The following RNF212 variants were observed in gnomAD, a reference collection of about 807,000 sequenced individuals.
The protein encoded by RNF212 is ring finger protein 212, also known as probable E3 SUMO-protein ligase RNF212.
In RNF212, 33 loss-of-function variants were observed where a neutral mutation model predicts 34.7. That is an observed-to-expected ratio of 0.95 (90% CI 0.72 to 1.27). The LOEUF (loss-of-function observed/expected upper bound fraction) is 1.27. Ranked by LOEUF, RNF212 falls within the 50% of genes most tolerant of loss-of-function variation. The pLI is 0.00. For missense variants in RNF212, 377 were observed against 362.2 expected (o/e 1.04, Z -0.33); for synonymous variants, 140 against 136.1 (o/e 1.03, Z -0.20).
intron 3 of RNF212, among the ~76,000 whole-genome samples, chr4:1,094,421 G>A (rs1341168786): frequency 6.6e-6 from 1 of 152,206 alleles, no homozygotes; most frequent in African/African-American, 2.4e-5. Flanking sequence ...GGGGAGGCTT[G>A]GAGTGGAGGC....
chr4:1,096,928 T>A, intron 2 of RNF212, 89 bp from the exon 3 acceptor site: 1 of 967,896 alleles, frequency 1.0e-6, no homozygotes, highest in Non-Finnish European at 1.7e-6. Context: ...GACCTAGAAT[T>A]AGCTATAGAT....
chr4:1,107,374 A>G (rs1724996205), intron 2 of RNF212: 1 of 151,706 alleles, frequency 6.6e-6, no homozygotes, highest in Non-Finnish European at 1.5e-5. Context: ...TTTTATGAAA[A>G]GGTAAATCAC....
intron 4 of RNF212, among the ~76,000 whole-genome samples, chr4:1,057,983 C>G (rs1359106986): frequency 2.0e-5 from 3 of 151,966 alleles, no homozygotes; most frequent in African/African-American, 7.3e-5. Flanking sequence ...ATCACTTGAA[C>G]CCAGGAGGCG....
At chr4:1,077,095 G>C (rs929155962) in intron 8 of RNF212, among the ~76,000 whole-genome samples, 2 of 152,236 alleles carry the variant, frequency 1.3e-5, no homozygotes, top group African/African-American at 2.4e-5. Context: ...AGGCATGGTG[G>C]TGCGTGCCTG....
chr4:1,077,280 G>C (rs144952826), intron 8 of RNF212, among the ~76,000 whole-genome samples: 1 of 152,186 alleles, frequency 6.6e-6, no homozygotes, highest in Non-Finnish European at 1.5e-5. Flanking sequence ...AAATGCCCAT[G>C]TCTGGTCTTT....
Position 1,084,451 on chromosome 4 carries a change from C to T in RNF212, c.362+1445G>A, listed in dbSNP as rs553986928. 1.4e-4 allele frequency among the ~76,000 whole-genome samples: 21 copies of T among 152,054 alleles called. No homozygotes were observed. In the East Asian group the frequency reaches 3.5e-3, roughly 25 times the overall value. On this transcript the variant is annotated intron_variant, in intron 5 of 9. Transcript: ENST00000433731. Reference sequence around the variant, plus strand: ...CAGCTACATGAAAATACATTGTGGCCGGGTGCAGTGGCTCACATCGGTCAT... The same window carrying T: ...CAGCTACATGAAAATACATTGTGGCTGGGTGCAGTGGCTCACATCGGTCAT...
chr4:1,073,807 G>A (rs1718821350), intron 8 of RNF212, 145 bp from the exon 9 acceptor site: 1 of 660,666 alleles, frequency 1.5e-6, no homozygotes. Context: ...TGTCTAACTT[G>A]ATTCTGTGTT....
chr4:1,070,195 T>C (rs1463573191), downstream of RNF212, among the ~76,000 whole-genome samples: 1 of 148,920 alleles, frequency 6.7e-6, no homozygotes, highest in Non-Finnish European at 1.5e-5. Flanking sequence ...GTGGGTGGTT[T>C]TGTAGGGCTG....
Position 1,108,724 on chromosome 4 carries a change from GTCTTGTT to G in RNF212, c.110-327_110-321del, listed in dbSNP as rs1384893230. Among the ~76,000 whole-genome samples the G allele has an allele frequency of 2.6e-3, 399 of 152,218 alleles. 5 individuals carry two copies. Among genetic ancestry groups the G allele is most frequent in the Middle Eastern group, 6.8e-3 (2 of 294 alleles). On this transcript the variant is annotated intron_variant, in intron 1 of 9. Coordinates refer to ENST00000433731, the MANE Select transcript of RNF212 (RefSeq NM_001131034.4). ...AATTAAAAATTTTTTTTGAGACAAGGTCTTGTTCTGTTGCCCAGGCTGATCTGCAAGT... is the reference window on the plus strand; with the variant it reads ...AATTAAAAATTTTTTTTGAGACAAGGCTGTTGCCCAGGCTGATCTGCAAGT...
chr4:1,081,607 T>G lies in RNF212; in HGVS notation c.375A>C (p.Ser125=). The part of the protein sequence containing the change: ...QIEQLQSMRS[S]QQTAFSTIKS... ...TTATTGTGCTGAAAGCTGTTTGTTGTGATGATCTCATACTAAATAGATGGA... is the reference window on the plus strand; with the variant it reads ...TTATTGTGCTGAAAGCTGTTTGTTGGGATGATCTCATACTAAATAGATGGA... Residue 125 remains serine, a synonymous_variant, in exon 6 of 10, where the codon TCA becomes TCC. Coordinates refer to ENST00000433731, the MANE Select transcript of RNF212 (RefSeq NM_001131034.4). The G allele has an allele frequency of 6.2e-7, 1 of 1,608,746 alleles. No individual in the cohort carries two copies. Among genetic ancestry groups the G allele is most frequent in the Non-Finnish European group, 8.5e-7 (1 of 1,175,196 alleles).
intron 8 of RNF212, among the ~76,000 whole-genome samples, chr4:1,076,090 G>C (rs920854728): frequency 1.3e-5 from 2 of 152,180 alleles, no homozygotes; most frequent in African/African-American, 2.4e-5. Context: ...GCTCATTTAA[G>C]GTTAACAGCC....
intron 3 of RNF212, chr4:1,093,941 C>A (rs1353709018): frequency 1.3e-6 from 2 of 1,536,098 alleles, no homozygotes; most frequent in Admixed American, 2.0e-5. Context: ...ATGGGTCGAG[C>A]CTCTGGGCAC....
intron 1 of RNF212, among the ~76,000 whole-genome samples, chr4:1,109,057 G>T (rs974180600): frequency 6.7e-6 from 1 of 150,104 alleles, no homozygotes; most frequent in African/African-American, 2.4e-5. Flanking sequence ...ACCCAGGCGG[G>T]AGTGTAATGA....
chr4:1,089,604 C>T (rs1721864719), intron 4 of RNF212, among the ~76,000 whole-genome samples: 1 of 152,086 alleles, frequency 6.6e-6, no homozygotes, highest in Non-Finnish European at 1.5e-5. Context: ...TGGGAGGGGC[C>T]AGGGGTGGAA....
At chr4:1,077,985 T>C (rs1425100897) in intron 8 of RNF212, among the ~76,000 whole-genome samples, 1 of 152,186 alleles carries the variant, frequency 6.6e-6, no homozygotes, top group African/African-American at 2.4e-5. Flanking sequence ...GGCGTTTCTC[T>C]TTCACGGAAG....
At chr4:1,064,795 C>T (rs560990504) in intron 3 of RNF212, among the ~76,000 whole-genome samples, 3 of 152,204 alleles carry the variant, frequency 2.0e-5, no homozygotes, top group South Asian at 2.1e-4. Flanking sequence ...TCCCATTAAA[C>T]GAGAGCTTCC....
At chr4:1,104,583 G>A (rs921360428) in intron 2 of RNF212, among the ~76,000 whole-genome samples, 14 of 152,208 alleles carry the variant, frequency 9.2e-5, no homozygotes, top group African/African-American at 3.4e-4. Flanking sequence ...TGCCCAGGAA[G>A]AAAGGGAGCA....
chr4:1,075,875 C>T (rs921462343), intron 8 of RNF212, among the ~76,000 whole-genome samples: 1 of 152,048 alleles, frequency 6.6e-6, no homozygotes, highest in Non-Finnish European at 1.5e-5. Flanking sequence ...GTCACCCAGG[C>T]TGGTCTCAAA....
At chr4:1,092,259 C>T (rs1458844168) in intron 3 of RNF212, among the ~76,000 whole-genome samples, 2 of 152,212 alleles carry the variant, frequency 1.3e-5, no homozygotes, top group Non-Finnish European at 2.9e-5. Flanking sequence ...CGAGGTCAGT[C>T]TGTGGCTGAT....
Sources: gnomAD v4.1 joint callset for allele counts (sites outside exome capture counted in the v4.1 genomes callset) on GRCh38, gnomAD v4.1.1 for gene constraint, MANE v1.5 for transcripts, NCBI Gene and HGNC (gene_info 2026-07-23, HGNC 2026-07-21) for gene names.